The following CSMD1 variants were observed in gnomAD, a reference collection of about 807,000 sequenced individuals.
The protein encoded by CSMD1 is CUB and sushi domain-containing protein 1.
CSMD1 carries 213 observed loss-of-function variants against 417.5 expected under a neutral mutation model. The observed-to-expected ratio is 0.51, with a 90% confidence interval of 0.46 to 0.57. The LOEUF is 0.57. Among genes scored for constraint, CSMD1 ranks in the 20% least tolerant of loss-of-function variants. The pLI is 0.00. For missense variants in CSMD1, 6,923 were observed against 4,529.7 expected (o/e 1.53, Z -15.17); for synonymous variants, 2,862 against 1,736.8 (o/e 1.65, Z -16.11).
At chr8:3,173,554 T>C (rs1364143244) in intron 37 of CSMD1, among the ~76,000 whole-genome samples, 3 of 152,178 alleles carry the variant, frequency 2.0e-5, no homozygotes, top group African/African-American at 7.2e-5. Flanking sequence ...ATGGAGTAAT[T>C]AATGTAGAAA....
intron 12 of CSMD1, among the ~76,000 whole-genome samples, chr8:3,427,431 A>T (rs1300784277): frequency 6.6e-6 from 1 of 152,184 alleles, no homozygotes; most frequent in Non-Finnish European, 1.5e-5. Context: ...ACAATATGTA[A>T]TGATTCCACA....
At chr8:4,450,027 T>G (rs1251415500) in intron 2 of CSMD1, among the ~76,000 whole-genome samples, 58 of 152,232 alleles carry the variant, frequency 3.8e-4, no homozygotes, top group Non-Finnish European at 7.3e-5. Context: ...CTGGGTGTCC[T>G]GTCCTTGATG....
intron 2 of CSMD1, among the ~76,000 whole-genome samples, chr8:4,471,162 G>T (rs1259537079): frequency 6.6e-6 from 1 of 152,016 alleles, no homozygotes; most frequent in Non-Finnish European, 1.5e-5. Flanking sequence ...TCACATGCCA[G>T]GCCTTACTGG....
chr8:3,826,689 T>C (rs1563119593), intron 5 of CSMD1, among the ~76,000 whole-genome samples: 1 of 152,214 alleles, frequency 6.6e-6, no homozygotes, highest in Non-Finnish European at 1.5e-5. Context: ...AACTCTGACT[T>C]GGTCCTTGAT....
chr8:4,795,690 C>A (rs952688900), intron 1 of CSMD1, among the ~76,000 whole-genome samples: 1 of 152,106 alleles, frequency 6.6e-6, no homozygotes, highest in African/African-American at 2.4e-5. Flanking sequence ...CTTCTGTGAA[C>A]TGGGATCCGC....
At chr8:4,000,236 C>T (rs560838305) in intron 4 of CSMD1, among the ~76,000 whole-genome samples, 8 of 151,250 alleles carry the variant, frequency 5.3e-5, no homozygotes, top group African/African-American at 1.5e-4. Context: ...TCCTGCCCCC[C>T]GCCCTCCGTG....
intron 2 of CSMD1, among the ~76,000 whole-genome samples, chr8:4,468,057 T>G (rs183365433): frequency 8.2e-6 from 1 of 121,490 alleles, no homozygotes; most frequent in East Asian, 2.1e-4. Context: ...CTGCCTCCTG[T>G]CCGTCCCTGT....
intron 1 of CSMD1, among the ~76,000 whole-genome samples, chr8:4,932,071 T>C (rs924280880): frequency 4.7e-5 from 7 of 150,124 alleles, no homozygotes; most frequent in Non-Finnish European, 5.9e-5. Context: ...TATTAAACAA[T>C]AGCATGAATG....
At chr8:3,692,925 T>C (rs1052434040) in intron 7 of CSMD1, among the ~76,000 whole-genome samples, 2 of 152,164 alleles carry the variant, frequency 1.3e-5, no homozygotes, top group African/African-American at 4.8e-5. Context: ...ATTATCAAAA[T>C]AGAAGGGTAA....
At chr8:3,981,004 G>A (rs1261904850) in intron 5 of CSMD1, among the ~76,000 whole-genome samples, 1 of 152,064 alleles carries the variant, frequency 6.6e-6, no homozygotes. Flanking sequence ...ACACCCAGAG[G>A]TTCTTCAAGG....
chr8:4,846,752 C>T (rs1000230559), intron 1 of CSMD1, among the ~76,000 whole-genome samples: 1 of 152,120 alleles, frequency 6.6e-6, no homozygotes. Flanking sequence ...CTTCCCAGGT[C>T]AAGGGTATCT....
At chr8:4,013,072 A>G (rs945061541) in intron 4 of CSMD1, among the ~76,000 whole-genome samples, 1 of 152,160 alleles carries the variant, frequency 6.6e-6, no homozygotes, top group African/African-American at 2.4e-5. Context: ...TCTCATAAGT[A>G]GCCAGAGTAA....
chr8:3,903,382 G>A (rs1807894286), intron 5 of CSMD1, among the ~76,000 whole-genome samples: 1 of 151,958 alleles, frequency 6.6e-6, no homozygotes, highest in South Asian at 2.1e-4. Context: ...ATTGCACTAT[G>A]TCATTATCAT....
At chr8:4,306,835 T>A (rs1335978062) in intron 3 of CSMD1, among the ~76,000 whole-genome samples, 6 of 151,328 alleles carry the variant, frequency 4.0e-5, no homozygotes, top group East Asian at 2.0e-4. Flanking sequence ...TCTCCAGATT[T>A]AAAAAAAATC....
intron 3 of CSMD1, among the ~76,000 whole-genome samples, chr8:4,250,772 G>C (rs375477522): frequency 2.0e-5 from 3 of 152,162 alleles, no homozygotes; most frequent in Non-Finnish European, 2.9e-5. Flanking sequence ...AAATATGCCA[G>C]TAACTCAAAA....
intron 1 of CSMD1, among the ~76,000 whole-genome samples, chr8:4,857,409 C>T (rs1356565746): frequency 6.6e-6 from 1 of 151,966 alleles, no homozygotes; most frequent in African/African-American, 2.4e-5. Flanking sequence ...CAAGAAATAA[C>T]TAAAATCAGA....
intron 1 of CSMD1, among the ~76,000 whole-genome samples, chr8:4,839,780 A>G (rs1318660253): frequency 6.6e-6 from 1 of 152,136 alleles, no homozygotes; most frequent in Non-Finnish European, 1.5e-5. Flanking sequence ...AAAAGCATAA[A>G]CAACAGATTT....
chr8:4,046,713 A>C (rs1291164482), intron 3 of CSMD1, among the ~76,000 whole-genome samples: 1 of 152,198 alleles, frequency 6.6e-6, no homozygotes, highest in Non-Finnish European at 1.5e-5. Context: ...ATATTATTTA[A>C]ATGACCTAAT....
intron 2 of CSMD1, among the ~76,000 whole-genome samples, chr8:4,606,503 G>T (rs1800876129): frequency 6.6e-6 from 1 of 152,134 alleles, no homozygotes; most frequent in African/African-American, 2.4e-5. Context: ...TCTTGGTTCT[G>T]TGTGTGGCTG....
Sources: gnomAD v4.1 joint callset for allele counts (sites outside exome capture counted in the v4.1 genomes callset) on GRCh38, gnomAD v4.1.1 for gene constraint, MANE v1.5 for transcripts, NCBI Gene and HGNC (gene_info 2026-07-23, HGNC 2026-07-21) for gene names.